GALNT15: variants seen among roughly 807,000 people sequenced by gnomAD.
The protein encoded by GALNT15 is UDP-GalNAc transferase T15.
A neutral mutation model predicts 66.8 loss-of-function variants in GALNT15; 67 were observed. The observed-to-expected ratio is 1.00, with a 90% CI of 0.82 to 1.23. The LOEUF (loss-of-function observed/expected upper bound fraction) is 1.23, where lower values mean the gene tolerates loss of function less well. Ranked by LOEUF, GALNT15 falls within the 50% of genes most tolerant of loss-of-function variation. The probability of loss-of-function intolerance (pLI) is 0.00; values close to 1 mark genes in which losing one functional copy is unlikely to be tolerated. For missense variants in GALNT15, 827 were observed against 804.3 expected, an observed-to-expected ratio of 1.03 and a Z score of -0.34; for synonymous variants, 313 against 311.5, an observed-to-expected ratio of 1.00 and a Z score of -0.05.
chr3:16,238,768 C>T, the GALNT15 span, among the ~76,000 whole-genome samples: 1 of 152,104 alleles, frequency 6.6e-6, no homozygotes, highest in African/African-American at 2.4e-5. This position sits in a 1 kb window ranked among gnomAD's most constrained non-coding sequence, Gnocchi z 4.8. Flanking sequence ...AGGGACTGTC[C>T]AAATGGGAAT....
rs34201320 is a variant in GALNT15, at chr3:16,226,050, G to GA, written c.1774-1289dup. Among the ~76,000 whole-genome samples the GA allele has an allele frequency of 4.5e-3, 627 of 139,690 alleles. 2 individuals are homozygous for GA. The highest frequency in any genetic ancestry group is 0.013 in the African/African-American group (497 of 37,702). 91.6% of individuals were successfully genotyped at this position (139,690 alleles called of 152,430 possible). A position where few individuals can be genotyped will look rare whatever the true frequency, so the allele number is the denominator to read the frequency against. ...GGTGACAGAGCAAGACTCCTTCTTGGAAAAAAAAAAAAAAATTACACAAAG... is the reference window on the plus strand; with the variant it reads ...GGTGACAGAGCAAGACTCCTTCTTGGAAAAAAAAAAAAAAAATTACACAAAG... On this transcript the variant is annotated intron_variant, in intron 9 of 9. Coordinates refer to ENST00000339732, the MANE Select transcript of GALNT15 (RefSeq NM_054110.5).
In GALNT15 at chr3:16,175,399, G is replaced by A. The variant is rs777651718; in HGVS notation, c.248G>A (p.Gly83Asp). 13 of 1,614,192 alleles carry A rather than the reference G, an allele frequency of 8.1e-6. No homozygotes were observed. In the East Asian group the frequency reaches 2.7e-4, roughly 33 times the overall value. The change falls in exon 1 of 10, where the codon GGC becomes GAC. Residue 83 changes from glycine to aspartate, a missense_variant. Physicochemically the swap from Gly to Asp is moderately conservative, Grantham distance 94. Coordinates refer to ENST00000339732, the MANE Select transcript of GALNT15 (RefSeq NM_054110.5). The surrounding 1 kb of genome is among the most constrained non-coding windows in gnomAD (Gnocchi z 5.6). ...DEGEEYSPLE[G>D]LPPFISLRED... is the part of the protein sequence containing the mutation. ...GGTGAAGAGTACAGCCCTCTGGAGGGCCTGCCACCCTTTATCTCACTGCGG... is the reference window on the plus strand; with the variant it reads ...GGTGAAGAGTACAGCCCTCTGGAGGACCTGCCACCCTTTATCTCACTGCGG...
At chr3:16,241,136 T>G in the GALNT15 span, among the ~76,000 whole-genome samples, 1 of 152,204 alleles carries the variant, frequency 6.6e-6, no homozygotes, top group Non-Finnish European at 1.5e-5. This position sits in a 1 kb window ranked among gnomAD's most constrained non-coding sequence, Gnocchi z 4.6. Flanking sequence ...AGCCCTGTCT[T>G]AACATGGACC....
At chr3:16,231,702 C>T (rs1046531230), downstream of GALNT15, 10 of 962,188 alleles carry the variant, frequency 1.0e-5, no homozygotes, top group African/African-American at 6.5e-5. The surrounding 1 kb of genome is among the most constrained non-coding windows in gnomAD (Gnocchi z 4.1). Flanking sequence ...TCAGCTAGCT[C>T]ATAGTCAATG....
At chr3:16,192,752 C>T (rs1186817170) in intron 1 of GALNT15, among the ~76,000 whole-genome samples, 1 of 152,222 alleles carries the variant, frequency 6.6e-6, no homozygotes. Context: ...TAAAACCTTA[C>T]AGGGAAGCTG....
Position 16,176,590 on chromosome 3 carries a change from T to A in GALNT15, c.539+900T>A, listed in dbSNP as rs1266632837. 1.3e-5 allele frequency among the ~76,000 whole-genome samples: 2 copies of A among 152,150 alleles called. No individual in the cohort carries two copies. The highest frequency in any genetic ancestry group is 2.1e-4 in the South Asian group (1 of 4,838). On this transcript the variant is annotated intron_variant, in intron 1 of 9. Coordinates refer to ENST00000339732, the MANE Select transcript of GALNT15 (RefSeq NM_054110.5). The surrounding 1 kb of genome is among the most constrained non-coding windows in gnomAD (Gnocchi z 5.6). ...CTGTGCCCAGGGAGATGCTGGCCCA[T>A]CCTCCACACCCCCTGCTCCCTTACT...
rs750409223 is a variant in GALNT15 at position 16,219,582 on chromosome 3, A to G, written c.1524+48A>G. ...TGGGGAGGGACAGGGAAGCTTCCCA[A>G]GACAAGAACTAGATGTTCAGCTCTT... On this transcript the variant is annotated intron_variant, in intron 7 of 9. Coordinates refer to ENST00000339732, the MANE Select transcript of GALNT15 (RefSeq NM_054110.5). This position sits in a 1 kb window ranked among gnomAD's most constrained non-coding sequence, Gnocchi z 4.3. 4 of 1,603,962 alleles carry G rather than the reference A, an allele frequency of 2.5e-6. No homozygotes were observed. The highest frequency in any genetic ancestry group is 3.4e-6 in the Non-Finnish European group (4 of 1,175,034).
At position 16,188,081 on chromosome 3, in the gene GALNT15, T is replaced by C. The variant is rs1226049489; in HGVS notation, c.540-7679T>C. On this transcript the variant is annotated intron_variant, in intron 1 of 9. Transcript: ENST00000339732. The surrounding 1 kb of genome is among the most constrained non-coding windows in gnomAD (Gnocchi z 4.6). ...GGGGGATTCAGAGGTCTGAGCCTGA[T>C]GGAAGGTCGTCGTCCAGGGCATGTG... Among the ~76,000 whole-genome samples, 1 of 152,160 alleles carries C rather than the reference T, an allele frequency of 6.6e-6. No individual in the cohort carries two copies. The highest frequency in any genetic ancestry group is 2.4e-5 in the African/African-American group (1 of 41,442).
chr3:16,230,813 G>A (rs2124913153), downstream of GALNT15, among the ~76,000 whole-genome samples: 1 of 152,270 alleles, frequency 6.6e-6, no homozygotes, highest in South Asian at 2.1e-4. The surrounding 1 kb of genome is among the most constrained non-coding windows in gnomAD (Gnocchi z 4.5). Flanking sequence ...ACCTTGATTT[G>A]GGCATATTTC....
At chr3:16,194,466 T>A (rs913289859) in intron 1 of GALNT15, among the ~76,000 whole-genome samples, 1 of 152,196 alleles carries the variant, frequency 6.6e-6, no homozygotes, top group Non-Finnish European at 1.5e-5. Flanking sequence ...ATTGCAAAAA[T>A]TTTCTCCAAT....
rs201917339 is a variant in GALNT15 at position 16,211,153 on chromosome 3, C to T, written c.1109C>T (p.Ala370Val). 65 of 1,613,568 alleles carry T rather than the reference C, an allele frequency of 4.0e-5. 2 individuals carry two copies. The highest frequency in any genetic ancestry group is 5.4e-5 in the Non-Finnish European group (64 of 1,179,678). ...RSPVVPGEVV[A>V]MDRHYFQNTG... ...CCTGTGGTGCCCGGAGAGGTGGTGG[C>T]CATGGACAGACATTACTTCCAAAAC... The change falls in exon 5 of 10, where the codon GCC becomes GTC. Residue 370 changes from alanine (A) to valine (V), a missense_variant. Transcript: ENST00000339732. This position sits in a 1 kb window ranked among gnomAD's most constrained non-coding sequence, Gnocchi z 4.3.
At chr3:16,214,256 G>C (rs1031844934) in intron 6 of GALNT15, among the ~76,000 whole-genome samples, 1 of 152,232 alleles carries the variant, frequency 6.6e-6, no homozygotes, top group African/African-American at 2.4e-5. Flanking sequence ...ATCGCCATCT[G>C]TGGGAAGTGG....
At chr3:16,238,457 T>G in the GALNT15 span, among the ~76,000 whole-genome samples, 1 of 151,524 alleles carries the variant, frequency 6.6e-6, no homozygotes, top group African/African-American at 2.4e-5. The surrounding 1 kb of genome is among the most constrained non-coding windows in gnomAD (Gnocchi z 4.8). Flanking sequence ...ATTAACAACA[T>G]TAATATTAAT....
In GALNT15 at chr3:16,175,330, A is replaced by G; in HGVS notation, c.179A>G (p.Asp60Gly). ...KHSPEARYRLDFGESQDWVLE... is the reference protein window; with the variant it reads ...KHSPEARYRLGFGESQDWVLE... ...AGCCCTGAAGCCAGGTACCGCCTGGACTTTGGGGAATCCCAGGATTGGGTA... is the reference window on the plus strand; with the variant it reads ...AGCCCTGAAGCCAGGTACCGCCTGGGCTTTGGGGAATCCCAGGATTGGGTA... The change falls in exon 1 of 10, where the codon GAC (aspartate) becomes GGC (glycine). Residue 60 changes from aspartate (D) to glycine (G), a missense_variant. Coordinates refer to ENST00000339732, the MANE Select transcript of GALNT15 (RefSeq NM_054110.5). This position sits in a 1 kb window ranked among gnomAD's most constrained non-coding sequence, Gnocchi z 5.6. 6.2e-7 allele frequency: 1 copy of G among 1,614,194 alleles called. No homozygotes were observed. The highest frequency in any genetic ancestry group is 8.5e-7 in the Non-Finnish European group (1 of 1,180,038).
At position 16,227,584 on chromosome 3, in the gene GALNT15, G is replaced by A; in HGVS notation, c.*84G>A. 1 of 1,608,768 alleles carries A rather than the reference G, an allele frequency of 6.2e-7. No individual in the cohort carries two copies. The highest frequency in any genetic ancestry group is 1.7e-4 in the Middle Eastern group (1 of 6,052). On this transcript the variant is annotated 3_prime_UTR_variant, in exon 10 of 10. Transcript: ENST00000339732. This position sits in a 1 kb window ranked among gnomAD's most constrained non-coding sequence, Gnocchi z 4.5. ...TTAAAGAGCTTATATATTTCATGAA[G>A]CTGATCCTTTTGTGTGTGTGCTCCT... is the stretch of plus-strand genomic sequence containing the variant.
At chr3:16,202,174 T>C (rs2063710811) in intron 3 of GALNT15, among the ~76,000 whole-genome samples, 1 of 152,258 alleles carries the variant, frequency 6.6e-6, no homozygotes, top group South Asian at 2.1e-4. Context: ...AAATTGTTAA[T>C]AGTTCAGCAT....
chr3:16,190,541 G>A (rs546437052), intron 1 of GALNT15, among the ~76,000 whole-genome samples: 2 of 151,792 alleles, frequency 1.3e-5, no homozygotes, highest in South Asian at 2.1e-4. Context: ...AGGAGGCTGA[G>A]GCAGGAGAAT....
chr3:16,200,125 G>GAA lies in GALNT15; in HGVS notation c.707-493_707-492insAA, dbSNP rs72119613. Among the ~76,000 whole-genome samples, 13 of 152,138 alleles carry GAA rather than the reference G, an allele frequency of 8.5e-5. No homozygotes were observed. The highest frequency in any genetic ancestry group is 2.9e-4 in the African/African-American group (12 of 41,510). ...GCAGCAAGTGAGAGAAAGAGAGAGAGAGAGGAGGAAAAACTATCAAACACT... is the reference window on the plus strand; with the variant it reads ...GCAGCAAGTGAGAGAAAGAGAGAGAGAAAGAGGAGGAAAAACTATCAAACACT... On this transcript the variant is annotated intron_variant, in intron 2 of 9. Transcript: ENST00000339732. This position sits in a 1 kb window ranked among gnomAD's most constrained non-coding sequence, Gnocchi z 4.4.
chr3:16,220,270 C>G lies in GALNT15; in HGVS notation c.1629+256C>G, dbSNP rs753139692. On this transcript the variant is annotated intron_variant, in intron 8 of 9. Coordinates refer to ENST00000339732, the MANE Select transcript of GALNT15 (RefSeq NM_054110.5). ...AAGGGAAATGGAGAAGCCGTTTGGC[C>G]AAACTTTTCATTTGACAGATGAGAA... 2.7e-4 allele frequency: 132 copies of G among 488,154 alleles called. No homozygotes were observed. The Middle Eastern group carries it at 2.8e-3, about 10-fold the overall frequency. The allele number at this position is 488,154 out of a possible 1,614,324, so 30.2% of individuals were successfully genotyped here.
Sources: gnomAD v4.1 joint callset for allele counts (sites outside exome capture counted in the v4.1 genomes callset) on GRCh38, gnomAD v4.1.1 for gene constraint, Gnocchi (gnomAD v3.1) non-coding constraint, MANE v1.5 for transcripts, NCBI Gene and HGNC (gene_info 2026-07-23, HGNC 2026-07-21) for gene names.